Variants in NDUFA5 observed in about 807,000 individuals in gnomAD.
The protein encoded by NDUFA5 is NADH:ubiquinone oxidoreductase subunit A5.
Under a neutral mutation model 19.8 loss-of-function variants are expected in NDUFA5, and 11 were observed. The observed-to-expected ratio is 0.56, with a 90% CI of 0.35 to 0.92. NDUFA5 has a LOEUF of 0.92. Among genes scored for constraint, NDUFA5 ranks in the 40% least tolerant of loss-of-function variants. The pLI is 0.01. For missense variants in NDUFA5, 109 were observed against 134.2 expected, an observed-to-expected ratio of 0.81 and a Z score of 0.93; for synonymous variants, 47 against 46.8, an observed-to-expected ratio of 1.00 and a Z score of -0.01.
the NDUFA5 span, among the ~76,000 whole-genome samples, chr7:123,581,031 G>T: frequency 5.4e-4 from 82 of 152,044 alleles, 1 homozygote; most frequent in Middle Eastern, 0.014. Flanking sequence ...ACTAGATGGT[G>T]CTGGCTTTCT....
At chr7:123,588,294 G>C in the NDUFA5 span, among the ~76,000 whole-genome samples, 1 of 151,502 alleles carries the variant, frequency 6.6e-6, no homozygotes, top group Non-Finnish European at 1.5e-5. Context: ...TATTCTTCTA[G>C]GTTATACAGT....
chr7:123,592,623 A>G, the NDUFA5 span, among the ~76,000 whole-genome samples: 1 of 152,040 alleles, frequency 6.6e-6, no homozygotes, highest in African/African-American at 2.4e-5. Context: ...CCTTATTTCT[A>G]ATTTGATTGC....
At chr7:123,552,537 A>G (rs915530992) in intron 2 of NDUFA5, among the ~76,000 whole-genome samples, 1 of 150,318 alleles carries the variant, frequency 6.7e-6, no homozygotes, top group Non-Finnish European at 1.5e-5. Flanking sequence ...CCTAATGTAG[A>G]TGACGGGTTG....
In NDUFA5 at chr7:123,540,894, A is replaced by ACACACACG. The variant is rs1797916127; in HGVS notation, c.*1224_*1225insCGTGTGTG. On this transcript the variant is annotated 3_prime_UTR_variant, in exon 5 of 5. Coordinates refer to ENST00000355749, the MANE Select transcript of NDUFA5 (RefSeq NM_005000.5). ...AGCAAATGTGCGCATGCGCGTGCAC[A>ACACACACG]CACACACACACACACACACACACAC... 1.4e-5 allele frequency: 1 copy of ACACACACG among 73,018 alleles called. No individual in the cohort carries two copies. The highest frequency in any genetic ancestry group is 3.2e-5 in the Non-Finnish European group (1 of 31,116). 4.5% of individuals were successfully genotyped at this position (73,018 alleles called of 1,614,324 possible).
chr7:123,591,796 G>A, the NDUFA5 span, among the ~76,000 whole-genome samples: 10 of 152,148 alleles, frequency 6.6e-5, no homozygotes, highest in Admixed American at 4.6e-4. Context: ...TTTGGTATCA[G>A]GATGATGCTG....
chr7:123,549,890 A>G (rs1798270463), intron 3 of NDUFA5, among the ~76,000 whole-genome samples: 1 of 152,230 alleles, frequency 6.6e-6, no homozygotes, highest in South Asian at 2.1e-4. Context: ...AAGAAGAAAT[A>G]TATGTGACTA....
the NDUFA5 span, among the ~76,000 whole-genome samples, chr7:123,589,822 C>T: frequency 9.2e-5 from 14 of 151,830 alleles, no homozygotes; most frequent in African/African-American, 2.9e-4. Flanking sequence ...TACAATCATT[C>T]GGGTATATAC....
intron 4 of NDUFA5, among the ~76,000 whole-genome samples, chr7:123,545,376 TAA>T (rs1204031169): frequency 2.6e-5 from 4 of 152,110 alleles, no homozygotes; most frequent in African/African-American, 4.8e-5. Flanking sequence ...CTAATTAAAT[TAA>T]AAGAGTGTCA....
chr7:123,548,471 CAGA>C (rs1798214203), intron 3 of NDUFA5, among the ~76,000 whole-genome samples: 1 of 152,042 alleles, frequency 6.6e-6, no homozygotes, highest in Non-Finnish European at 1.5e-5. Flanking sequence ...AAAGGTTTCA[CAGA>C]AGAAGTGATG....
At chr7:123,550,687 T>G (rs1798304860) in intron 2 of NDUFA5, 101 bp from the exon 3 acceptor site, 371 of 675,992 alleles carry the variant, frequency 5.5e-4, no homozygotes, top group Middle Eastern at 1.3e-3. Context: ...TCACATCTGT[T>G]TTTTTTTTTT....
intron 3 of NDUFA5, among the ~76,000 whole-genome samples, chr7:123,549,589 C>A (rs1314486057): frequency 6.6e-6 from 1 of 152,120 alleles, no homozygotes; most frequent in Non-Finnish European, 1.5e-5. Flanking sequence ...TCAGCTAGGG[C>A]AACACAGTGA....
the NDUFA5 span, among the ~76,000 whole-genome samples, chr7:123,593,595 A>C: frequency 3.3e-5 from 5 of 152,170 alleles, no homozygotes; most frequent in Non-Finnish European, 4.4e-5. Flanking sequence ...AGAATGTTGA[A>C]TACTTGGCCC....
chr7:123,572,021 C>G, the NDUFA5 span, among the ~76,000 whole-genome samples: 25 of 151,438 alleles, frequency 1.7e-4, no homozygotes, highest in African/African-American at 5.8e-4. Context: ...TTCCTGGGCT[C>G]AAGCAATCCT....
the NDUFA5 span, among the ~76,000 whole-genome samples, chr7:123,570,926 G>A: frequency 2.0e-5 from 3 of 152,102 alleles, no homozygotes; most frequent in Non-Finnish European, 2.9e-5. Flanking sequence ...CCAGCTGTAC[G>A]GCCTGGGTGA....
intron 1 of NDUFA5, 114 bp from the exon 2 acceptor site, chr7:123,557,562 A>G: frequency 1.2e-6 from 2 of 1,612,042 alleles, no homozygotes; most frequent in Non-Finnish European, 1.7e-6. Flanking sequence ...AAAGCCAGCT[A>G]CTGGTCTCTC....
chr7:123,601,376 T>C, the NDUFA5 span, among the ~76,000 whole-genome samples: 1 of 152,136 alleles, frequency 6.6e-6, no homozygotes, highest in Non-Finnish European at 1.5e-5. Context: ...GACTAGCAAT[T>C]ATTAAACAAA....
At chr7:123,545,171 G>C (rs554663819) in intron 4 of NDUFA5, among the ~76,000 whole-genome samples, 1 of 152,082 alleles carries the variant, frequency 6.6e-6, no homozygotes, top group African/African-American at 2.4e-5. Context: ...AATATACTAT[G>C]CAATTGTTTT....
At chr7:123,598,162 T>C in the NDUFA5 span, among the ~76,000 whole-genome samples, 1 of 152,124 alleles carries the variant, frequency 6.6e-6, no homozygotes, top group Non-Finnish European at 1.5e-5. Context: ...TGCAATGGTT[T>C]CCCTCATGTC....
At chr7:123,556,565 C>A (rs1798548854) in intron 2 of NDUFA5, 2 of 208,290 alleles carry the variant, frequency 9.6e-6, no homozygotes, top group Non-Finnish European at 2.0e-5. Context: ...AGTCCTGAAG[C>A]CCAGTAAAGA....
Sources: allele counts gnomAD v4.1 joint callset (sites outside exome capture counted in the v4.1 genomes callset), GRCh38; gene constraint gnomAD v4.1.1; transcripts MANE v1.5; gene names NCBI Gene and HGNC (gene_info 2026-07-23, HGNC 2026-07-21).